USP12: variants seen among roughly 807,000 people sequenced by gnomAD.
The protein encoded by USP12 is ubiquitin carboxyl-terminal hydrolase 12.
Under a neutral mutation model 45.5 loss-of-function variants are expected in USP12, and 19 were observed. The ratio of observed to expected loss-of-function variants is 0.42; its 90% CI spans 0.29 to 0.61. The LOEUF is 0.61. Ranked by LOEUF, USP12 falls within the 20% of genes least tolerant of loss-of-function variation. USP12 has a pLI of 0.22. For synonymous variants in USP12, 149 were observed against 148.8 expected (o/e 1.00, Z -0.01); for missense variants, 242 against 447.7 (o/e 0.54, Z 4.15).
At chr13:27,079,227 A>AGGGGGG (rs1873636506) in intron 6 of USP12, among the ~76,000 whole-genome samples, 1 of 38,774 alleles carries the variant, frequency 2.6e-5, no homozygotes. Flanking sequence ...GGCGGGGGGG[A>AGGGGGG]GTGGGGGGAG....
chr13:27,109,271 C>T (rs1875303413), intron 2 of USP12, among the ~76,000 whole-genome samples: 1 of 152,058 alleles, frequency 6.6e-6, no homozygotes, highest in Admixed American at 6.5e-5. Context: ...ACCTAAACAC[C>T]CCAGCGATTT....
At chr13:27,088,798 CCTGTAATAAATCTTAGCTGTGAG>C (rs1425131434) in intron 6 of USP12, among the ~76,000 whole-genome samples, 1 of 152,096 alleles carries the variant, frequency 6.6e-6, no homozygotes, top group South Asian at 2.1e-4. Flanking sequence ...GTATCCCGTC[CCTGTAATAAATCTTAGCTGTGAG>C]CACGCTTGGA....
At chr13:27,150,832 G>A (rs1027790366) in intron 1 of USP12, among the ~76,000 whole-genome samples, 1 of 152,122 alleles carries the variant, frequency 6.6e-6, no homozygotes, top group African/African-American at 2.4e-5. Context: ...AACAACTGGC[G>A]CTGGGACAAA....
At chr13:27,094,197 A>AAG (rs889598692) in intron 4 of USP12, among the ~76,000 whole-genome samples, 7 of 151,362 alleles carry the variant, frequency 4.6e-5, no homozygotes, top group African/African-American at 1.7e-4. Context: ...AAAAAAAAAA[A>AAG]AAGTCATCAT....
At chr13:27,148,815 A>ACACACACACACACACAC (rs1232624646) in intron 1 of USP12, among the ~76,000 whole-genome samples, 8 of 12,612 alleles carry the variant, frequency 6.3e-4, no homozygotes, top group Non-Finnish European at 9.6e-4. Context: ...CACACACACA[A>ACACACACACACACACAC]AAATCAGGTG....
intron 1 of USP12, among the ~76,000 whole-genome samples, chr13:27,167,215 T>C (rs1365934838): frequency 6.6e-6 from 1 of 151,914 alleles, no homozygotes; most frequent in African/African-American, 2.4e-5. Flanking sequence ...TGAGCCAAGA[T>C]TGCAGCATTG....
At chr13:27,146,080 A>G in intron 1 of USP12, among the ~76,000 whole-genome samples, 1 of 152,186 alleles carries the variant, frequency 6.6e-6, no homozygotes, top group East Asian at 1.9e-4. Flanking sequence ...TACTTCTTTT[A>G]TAATCAATCA....
intron 1 of USP12, among the ~76,000 whole-genome samples, chr13:27,163,786 GAAAA>G (rs879415456): frequency 3.1e-5 from 3 of 96,478 alleles, no homozygotes; most frequent in East Asian, 4.7e-4. Context: ...AAAAAAAAAA[GAAAA>G]AAAAAAAAGA....
At chr13:27,075,040 T>C in intron 7 of USP12, 151 bp downstream of exon 7, 2 of 622,638 alleles carry the variant, frequency 3.2e-6, no homozygotes, top group Non-Finnish European at 4.9e-6. Context: ...TGATAAAACA[T>C]AAAGCTAAAA....
At chr13:27,079,438 C>A (rs1167903956) in intron 6 of USP12, among the ~76,000 whole-genome samples, 6 of 152,166 alleles carry the variant, frequency 3.9e-5, no homozygotes, top group Non-Finnish European at 8.8e-5. Context: ...CAGAAACTCC[C>A]TTCTCCAGTA....
chr13:27,144,922 C>A (rs1438289438), intron 1 of USP12, among the ~76,000 whole-genome samples: 1 of 151,844 alleles, frequency 6.6e-6, no homozygotes, highest in East Asian at 1.9e-4. Context: ...AAAAAATCAG[C>A]CAGGCATGGC....
intron 1 of USP12, among the ~76,000 whole-genome samples, chr13:27,141,946 GC>G (rs2137821215): frequency 6.6e-6 from 1 of 151,856 alleles, no homozygotes; most frequent in African/African-American, 2.4e-5. Flanking sequence ...ACTTTGGGAG[GC>G]CAAAAAAAAA....
chr13:27,155,150 C>A (rs1464400122), intron 1 of USP12, among the ~76,000 whole-genome samples: 1 of 137,670 alleles, frequency 7.3e-6, no homozygotes, highest in African/African-American at 2.7e-5. Flanking sequence ...GGCGCGATCT[C>A]GGCTCATTGC....
chr13:27,142,117 G>A (rs1441912385), intron 1 of USP12, among the ~76,000 whole-genome samples: 2 of 152,126 alleles, frequency 1.3e-5, no homozygotes. Flanking sequence ...GCGAGACTCT[G>A]TCTCAAAAAC....
In USP12 at chr13:27,149,458, T is replaced by C. The variant is rs1307200481; in HGVS notation, c.48+22134A>G. On this transcript the variant is annotated intron_variant, in intron 1 of 8. Coordinates refer to ENST00000282344, the MANE Select transcript of USP12 (RefSeq NM_182488.4). ...AACCTATCTTTATTTGTATGTAACATGATTTTATATAAAGAAAACCCTAAA... is the reference window on the plus strand; with the variant it reads ...AACCTATCTTTATTTGTATGTAACACGATTTTATATAAAGAAAACCCTAAA... 5.9e-5 allele frequency among the ~76,000 whole-genome samples: 9 copies of C among 152,224 alleles called. No individual in the cohort carries two copies. In the East Asian group the frequency reaches 1.7e-3, roughly 29 times the overall value.
intron 1 of USP12, among the ~76,000 whole-genome samples, chr13:27,170,838 A>G (rs1878560128): frequency 6.6e-6 from 1 of 152,244 alleles, no homozygotes; most frequent in African/African-American, 2.4e-5. Flanking sequence ...GCATTCCCAG[A>G]GACAAGACTG....
chr13:27,157,486 T>A (rs1415249914), intron 1 of USP12, among the ~76,000 whole-genome samples: 1 of 152,200 alleles, frequency 6.6e-6, no homozygotes, highest in Non-Finnish European at 1.5e-5. Context: ...AAAAATGAGT[T>A]CTGTAAGCTA....
At chr13:27,086,197 A>AATATATATATATATATATATATAT (rs1555233236) in intron 6 of USP12, among the ~76,000 whole-genome samples, 3 of 56,926 alleles carry the variant, frequency 5.3e-5, no homozygotes, top group African/African-American at 6.9e-5. Context: ...AAAAAAAAAA[A>AATATATATATATATATATATATAT]ATATATATAT....
At chr13:27,110,912 A>C (rs1311096005) in intron 2 of USP12, among the ~76,000 whole-genome samples, 1 of 152,188 alleles carries the variant, frequency 6.6e-6, no homozygotes, top group Non-Finnish European at 1.5e-5. Flanking sequence ...ATGAAAGCAA[A>C]AGAGATCATC....
Sources: gnomAD v4.1 joint callset for allele counts (sites outside exome capture counted in the v4.1 genomes callset) on GRCh38, gnomAD v4.1.1 for gene constraint, MANE v1.5 for transcripts, NCBI Gene and HGNC (gene_info 2026-07-23, HGNC 2026-07-21) for gene names.